CDH5: variants seen among roughly 807,000 people sequenced by gnomAD.
CDH5 encodes the protein cadherin-5.
A neutral mutation model predicts 62.0 loss-of-function variants in CDH5; 28 were observed. That is an observed-to-expected ratio of 0.45 (90% confidence interval 0.33 to 0.62). The LOEUF (loss-of-function observed/expected upper bound fraction) is 0.62, where lower values mean the gene tolerates loss of function less well. Ranked by LOEUF, CDH5 falls within the 20% of genes least tolerant of loss-of-function variation. The pLI is 0.02. For missense variants in CDH5, 940 were observed against 1,065.1 expected (o/e 0.88, Z 1.63); for synonymous variants, 464 against 445.8 (o/e 1.04, Z -0.52).
At chr16:66,370,476 G>C (rs77188288) in intron 1 of CDH5, among the ~76,000 whole-genome samples, 3,696 of 152,268 alleles carry the variant, frequency 0.024, 40 homozygotes, top group Non-Finnish European at 0.028. Context: ...CACCCTACGT[G>C]TTGTCTGAAA....
intron 1 of CDH5, among the ~76,000 whole-genome samples, chr16:66,375,069 A>G (rs1020188365): frequency 6.6e-6 from 1 of 152,186 alleles, no homozygotes; most frequent in African/African-American, 2.4e-5. Flanking sequence ...GCTTACACAA[A>G]GAAATCTGGA....
chr16:66,400,690 C>T, intron 10 of CDH5, 81 bp from the exon 11 acceptor site: 1 of 1,569,508 alleles, frequency 6.4e-7, no homozygotes, highest in Non-Finnish European at 8.8e-7. Context: ...CTGGTGCAGT[C>T]AGGGAGGGCT....
rs140606241 is a variant in CDH5 at position 66,382,872 on chromosome 16, G to A, written c.210+3325G>A. 1.3e-3 allele frequency among the ~76,000 whole-genome samples: 197 copies of A among 152,284 alleles called. 3 individuals are homozygous for A. The East Asian group carries it at 0.021, about 16-fold the overall frequency. On this transcript the variant is annotated intron_variant, in intron 2 of 11. Transcript: ENST00000341529. ...CCTGGAGCCTTTGTTTACAGACCTG[G>A]CTGGACAATGGGAGCAAGTCCTGAG...
intron 1 of CDH5, among the ~76,000 whole-genome samples, chr16:66,374,270 C>T (rs1167317096): frequency 6.6e-6 from 1 of 152,232 alleles, no homozygotes; most frequent in Non-Finnish European, 1.5e-5. Flanking sequence ...AAGGCTCTGG[C>T]ATGGGGGTGC....
At chr16:66,383,360 G>A (rs768802802) in intron 2 of CDH5, among the ~76,000 whole-genome samples, 2 of 152,136 alleles carry the variant, frequency 1.3e-5, no homozygotes, top group Non-Finnish European at 2.9e-5. Flanking sequence ...GCAGGCATCT[G>A]GAAACTCTCT....
rs747941017 is a variant in CDH5 at position 66,404,463 on chromosome 16, G to A, written c.*1294G>A. On this transcript the variant is annotated 3_prime_UTR_variant, in exon 12 of 12. Coordinates refer to ENST00000341529, the MANE Select transcript of CDH5 (RefSeq NM_001795.5). ...CACTCTGGGCAAAGCCCCTCACACTGCAAGGGATTGTAGATAACACTGACT... is the reference window on the plus strand; with the variant it reads ...CACTCTGGGCAAAGCCCCTCACACTACAAGGGATTGTAGATAACACTGACT... 2 of 152,224 alleles carry A rather than the reference G, an allele frequency of 1.3e-5. No homozygotes were observed. The highest frequency in any genetic ancestry group is 2.4e-5 in the African/African-American group (1 of 41,450). The allele number at this position is 152,224 out of a possible 1,614,324, so 9.4% of individuals were successfully genotyped here. A position where few individuals can be genotyped will look rare whatever the true frequency, so the allele number is the denominator to read the frequency against.
rs538603684 is a variant in CDH5 at position 66,389,377 on chromosome 16, G to A, written c.636G>A (p.Thr212=). The change falls in exon 5 of 12, where the codon ACG becomes ACA. Residue 212 remains threonine, a synonymous_variant. Coordinates refer to ENST00000341529, the MANE Select transcript of CDH5 (RefSeq NM_001795.5). Reference sequence around the variant, plus strand: ...TTGCAGGACGTATTATCACAATAACGAAAAGCTTGGACCGAGAGAAGCAGG... The same window carrying A: ...TTGCAGGACGTATTATCACAATAACAAAAAGCTTGGACCGAGAGAAGCAGG... The part of the protein sequence containing the change: ...IDNSGRIITI[T]KSLDREKQAR... The A allele has an allele frequency of 1.4e-5, 23 of 1,611,756 alleles. No individual in the cohort carries two copies. The highest frequency in any genetic ancestry group is 1.3e-4 in the Admixed American group (8 of 59,760).
In CDH5 at chr16:66,391,072, C is replaced by T. The variant is rs546379672; in HGVS notation, c.969+482C>T. 5.3e-4 allele frequency among the ~76,000 whole-genome samples: 80 copies of T among 152,282 alleles called. 1 individual carries two copies. The highest frequency in any genetic ancestry group is 1.1e-3 in the Non-Finnish European group (74 of 68,014). ...GGATGGCCACTGACACTGGATGCTGCTGACAGCCAGAGAAGCCAGATTAAC... is the reference window on the plus strand; with the variant it reads ...GGATGGCCACTGACACTGGATGCTGTTGACAGCCAGAGAAGCCAGATTAAC... On this transcript the variant is annotated intron_variant, in intron 6 of 11. Coordinates refer to ENST00000341529, the MANE Select transcript of CDH5 (RefSeq NM_001795.5).
intron 7 of CDH5, among the ~76,000 whole-genome samples, chr16:66,394,085 A>G (rs1212189994): frequency 3.9e-5 from 6 of 152,058 alleles, no homozygotes; most frequent in Admixed American, 3.9e-4. Context: ...ATGTGATACA[A>G]TTGTATTTGT....
At chr16:66,386,775 C>G in intron 2 of CDH5, 34 bp from the exon 3 acceptor site, 1 of 1,553,694 alleles carries the variant, frequency 6.4e-7, no homozygotes, top group Non-Finnish European at 8.7e-7. Context: ...CCACTGCCGC[C>G]CATTCCCAGC....
At chr16:66,379,599 G>A (rs751445954) in intron 2 of CDH5, 52 bp downstream of exon 2, 2 of 1,525,500 alleles carry the variant, frequency 1.3e-6, no homozygotes, top group South Asian at 2.2e-5. Flanking sequence ...GGCCCATAGT[G>A]ACAAGTGGTG....
intron 1 of CDH5, among the ~76,000 whole-genome samples, chr16:66,367,219 C>G (rs1352264099): frequency 6.6e-6 from 1 of 152,230 alleles, no homozygotes; most frequent in East Asian, 1.9e-4. Flanking sequence ...GCCACTAAAG[C>G]TCTATGCTGG....
intron 8 of CDH5, among the ~76,000 whole-genome samples, chr16:66,396,409 C>T (rs1359871676): frequency 6.6e-6 from 1 of 152,186 alleles, no homozygotes; most frequent in African/African-American, 2.4e-5. Flanking sequence ...TGTTGCATCT[C>T]GGGCCTCACC....
chr16:66,388,509 G>A (rs1216448420), intron 4 of CDH5, 69 bp downstream of exon 4: 3 of 1,032,508 alleles, frequency 2.9e-6, no homozygotes, highest in South Asian at 2.7e-5. Flanking sequence ...TACTCCAGGT[G>A]CATGTGCTAA....
At chr16:66,380,766 T>C (rs945171524) in intron 2 of CDH5, among the ~76,000 whole-genome samples, 12 of 151,010 alleles carry the variant, frequency 7.9e-5, no homozygotes, top group Admixed American at 1.3e-4. Flanking sequence ...GTGGTTGTGA[T>C]AGTGGTTGTG....
chr16:66,396,113 G>C lies in CDH5; in HGVS notation c.1272G>C (p.Lys424Asn), dbSNP rs1207180014. ...GCCAGTTCTTCCGAGTCACAAAAAAGGGGGACATTTACAATGAGAAAGAAC... is the reference window on the plus strand; with the variant it reads ...GCCAGTTCTTCCGAGTCACAAAAAACGGGGACATTTACAATGAGAAAGAAC... ...DKGQFFRVTK[K>N]GDIYNEKELD... Residue 424 changes from lysine (K) to asparagine (N), a missense_variant, in exon 8 of 12, where the codon AAG becomes AAC. Physicochemically the swap from Lys to Asn is moderately conservative, Grantham distance 94. Transcript: ENST00000341529. The C allele has an allele frequency of 6.2e-7, 1 of 1,614,112 alleles. No individual in the cohort carries two copies. Among genetic ancestry groups the C allele is most frequent in the Admixed American group, 1.7e-5 (1 of 60,024 alleles).
intron 6 of CDH5, among the ~76,000 whole-genome samples, chr16:66,391,491 G>A (rs1007174281): frequency 3.9e-5 from 6 of 152,050 alleles, no homozygotes; most frequent in Non-Finnish European, 7.4e-5. Context: ...AAGCATGTCC[G>A]GCCGGGCCCG....
At chr16:66,379,949 G>A (rs1960863392) in intron 2 of CDH5, among the ~76,000 whole-genome samples, 1 of 83,434 alleles carries the variant, frequency 1.2e-5, no homozygotes, top group Admixed American at 1.2e-4. Flanking sequence ...CACGGTGATG[G>A]TGGTGATGAT....
chr16:66,398,647 G>C (rs542262590), intron 10 of CDH5, 86 bp downstream of exon 10: 95 of 720,558 alleles, frequency 1.3e-4, no homozygotes, highest in South Asian at 5.2e-4. Flanking sequence ...CAGGAAGATC[G>C]CTTGAGCCCA....
Sources: allele counts gnomAD v4.1 joint callset (sites outside exome capture counted in the v4.1 genomes callset), GRCh38; gene constraint gnomAD v4.1.1; transcripts MANE v1.5; gene names NCBI Gene and HGNC (gene_info 2026-07-23, HGNC 2026-07-21).